Variants in HIBCH observed in about 807,000 individuals in gnomAD.
The protein encoded by HIBCH is 3-hydroxyisobutyryl-CoA hydrolase.
A neutral mutation model predicts 58.2 loss-of-function variants in HIBCH; 50 were observed. That is an observed-to-expected ratio of 0.86 (90% CI 0.68 to 1.09). The LOEUF (loss-of-function observed/expected upper bound fraction) is 1.09. HIBCH is among the 50% of genes least tolerant of loss of function. The probability of loss-of-function intolerance (pLI) is 0.00; values close to 1 mark genes in which losing one functional copy is unlikely to be tolerated. For synonymous variants in HIBCH, 151 were observed against 146.9 expected, an observed-to-expected ratio of 1.03 and a Z score of -0.20; for missense variants, 450 against 449.7, an observed-to-expected ratio of 1.00 and a Z score of -0.01.
At chr2:190,252,520 T>C (rs1686805095) in intron 7 of HIBCH, among the ~76,000 whole-genome samples, 1 of 152,208 alleles carries the variant, frequency 6.6e-6, no homozygotes, top group Non-Finnish European at 1.5e-5. Context: ...CCTTCATGTC[T>C]CATTTCTATA....
At position 190,232,611 on chromosome 2, in the gene HIBCH, A is replaced by G. The variant is rs569144113; in HGVS notation, c.891+12276T>C. On this transcript the variant is annotated intron_variant, in intron 11 of 13. Coordinates refer to ENST00000359678, the MANE Select transcript of HIBCH (RefSeq NM_014362.4). ...ATTCTTTTGCTACAAGAGTACAACT[A>G]TACGTTGGTGCAGAAGCAATTGTAG... 5.9e-5 allele frequency among the ~76,000 whole-genome samples: 9 copies of G among 152,326 alleles called. No individual in the cohort carries two copies. The East Asian group carries it at 1.7e-3, about 29-fold the overall frequency.
At chr2:190,255,240 GT>G (rs1686889068) in intron 7 of HIBCH, among the ~76,000 whole-genome samples, 1 of 152,190 alleles carries the variant, frequency 6.6e-6, no homozygotes, top group Non-Finnish European at 1.5e-5. Context: ...TTGAGAGCAT[GT>G]TACATCACTC....
intron 6 of HIBCH, among the ~76,000 whole-genome samples, chr2:190,266,565 C>T (rs1469947743): frequency 6.6e-6 from 1 of 151,906 alleles, no homozygotes; most frequent in East Asian, 1.9e-4. Context: ...TCCGGAGTAG[C>T]TGGAACTACA....
chr2:190,266,009 G>A (rs6756330), intron 6 of HIBCH, among the ~76,000 whole-genome samples: 1,557 of 144,918 alleles, frequency 0.011, 29 homozygotes, highest in African/African-American at 0.037. Flanking sequence ...TTTGTATTTT[G>A]ATCATTTCAT....
chr2:190,252,798 C>T (rs183228590), intron 7 of HIBCH, among the ~76,000 whole-genome samples: 1 of 152,270 alleles, frequency 6.6e-6, no homozygotes, highest in Admixed American at 6.5e-5. Flanking sequence ...AATCACAAGT[C>T]CTACTAAATG....
chr2:190,205,685 G>A (rs1690373232), intron 13 of HIBCH, among the ~76,000 whole-genome samples: 1 of 152,030 alleles, frequency 6.6e-6, no homozygotes, highest in South Asian at 2.1e-4. Flanking sequence ...TAGAGAAAAG[G>A]GGACTTCATG....
chr2:190,220,808 A>C (rs1685697843), intron 11 of HIBCH, among the ~76,000 whole-genome samples: 1 of 152,088 alleles, frequency 6.6e-6, no homozygotes, highest in African/African-American at 2.4e-5. Flanking sequence ...GACAATGCTA[A>C]AAGGTGTGTA....
At chr2:190,301,577 A>G (rs1469332316) in intron 2 of HIBCH, among the ~76,000 whole-genome samples, 1 of 152,222 alleles carries the variant, frequency 6.6e-6, no homozygotes, top group Non-Finnish European at 1.5e-5. Flanking sequence ...GGTGGTGGGT[A>G]CATGCTTTAT....
rs577095316 is a variant in HIBCH, at chr2:190,319,645, C to T, written c.35+71G>A. 1.2e-4 allele frequency: 157 copies of T among 1,327,870 alleles called. No homozygotes were observed. In the African/African-American group the frequency reaches 2.0e-3, roughly 17 times the overall value. The allele number at this position is 1,327,870 out of a possible 1,614,324, so 82.3% of individuals were successfully genotyped here. The stretch of plus-strand genomic sequence containing the variant: ...AAACTTCGAGGCCAGCAGTCTCCAC[C>T]CCCGGCCCTTTTCCCACTGTGGCGA... On this transcript the variant is annotated intron_variant, in intron 1 of 13. Coordinates refer to ENST00000359678, the MANE Select transcript of HIBCH (RefSeq NM_014362.4).
chr2:190,205,296 A>G (rs1179444592), intron 13 of HIBCH, 64 bp from the exon 14 acceptor site: 3 of 921,378 alleles, frequency 3.3e-6, no homozygotes, highest in Non-Finnish European at 5.2e-6. Flanking sequence ...GATTTTACTT[A>G]CTGAATTGAC....
chr2:190,223,416 A>G (rs1474381331), intron 11 of HIBCH, among the ~76,000 whole-genome samples: 1 of 152,114 alleles, frequency 6.6e-6, no homozygotes, highest in South Asian at 2.1e-4. Context: ...CCTTTTTTTC[A>G]CCACTATTTC....
chr2:190,311,011 A>G, intron 1 of HIBCH: 1 of 685,140 alleles, frequency 1.5e-6, no homozygotes, highest in Non-Finnish European at 2.7e-6. Flanking sequence ...CATAACTGCC[A>G]AAATGTGGAC....
Position 190,265,121 on chromosome 2 carries a change from T to TGAAAA in HIBCH, c.439-3888_439-3887insTTTTC, listed in dbSNP as rs1559042131. Among the ~76,000 whole-genome samples the TGAAAA allele has an allele frequency of 3.9e-4, 17 of 43,684 alleles. 1 individual carries two copies. Among genetic ancestry groups the TGAAAA allele is most frequent in the African/African-American group, 2.6e-3 (17 of 6,570 alleles). The allele number at this position is 43,684 out of a possible 152,430, so 28.7% of individuals were successfully genotyped here. A position where few individuals can be genotyped will look rare whatever the true frequency, so the allele number is the denominator to read the frequency against. On this transcript the variant is annotated intron_variant, in intron 6 of 13. Transcript: ENST00000359678. ...CTGGAGGACAGAGCAAGACTCCGTC[T>TGAAAA]CAAAAAAAAAAAAAAAAAAAAAAAA...
intron 5 of HIBCH, 29 bp from the exon 6 acceptor site, chr2:190,287,667 T>C: frequency 6.5e-7 from 1 of 1,544,794 alleles, no homozygotes; most frequent in Non-Finnish European, 8.9e-7. Context: ...TAATTTTAGT[T>C]ACAGTGTTTA....
chr2:190,212,080 G>C lies in HIBCH; in HGVS notation c.1011+876C>G, dbSNP rs146097157. The stretch of plus-strand genomic sequence containing the variant: ...TAACAATTTCTTCATCTGTAAAATG[G>C]AGTCAATAACAGTACCTATCCTTCT... On this transcript the variant is annotated intron_variant, in intron 12 of 13. Transcript: ENST00000359678. Among the ~76,000 whole-genome samples, 501 of 152,280 alleles carry C rather than the reference G, an allele frequency of 3.3e-3. 4 individuals are homozygous for C. Among genetic ancestry groups the C allele is most frequent in the Non-Finnish European group, 5.4e-3 (365 of 68,004 alleles).
At chr2:190,312,256 G>T (rs291446) in intron 1 of HIBCH, among the ~76,000 whole-genome samples, 111,117 of 152,116 alleles carry the variant, frequency 0.73, 40,989 homozygotes, top group South Asian at 0.75. Context: ...TTTAAAAAAT[G>T]TCCTAAAAGA....
intron 6 of HIBCH, among the ~76,000 whole-genome samples, chr2:190,266,965 T>C (rs291422): frequency 0.73 from 109,277 of 150,688 alleles, 39,965 homozygotes; most frequent in South Asian, 0.76. Context: ...CCACGTTGGC[T>C]AGGCTGGTCT....
downstream of HIBCH, chr2:190,200,970 T>C (rs1013074524): frequency 1.2e-5 from 2 of 166,864 alleles, no homozygotes; most frequent in Non-Finnish European, 2.9e-5. Context: ...TAAGCTTTAC[T>C]ATCTCAGAGG....
At chr2:190,252,766 G>A (rs889060308) in intron 7 of HIBCH, among the ~76,000 whole-genome samples, 1 of 152,122 alleles carries the variant, frequency 6.6e-6, no homozygotes, top group African/African-American at 2.4e-5. Context: ...TAATATTCAA[G>A]ATGTTTAAAT....
Sources: gnomAD v4.1 joint callset for allele counts (sites outside exome capture counted in the v4.1 genomes callset) on GRCh38, gnomAD v4.1.1 for gene constraint, MANE v1.5 for transcripts, NCBI Gene and HGNC (gene_info 2026-07-23, HGNC 2026-07-21) for gene names.